Variants in NEBL observed in about 807,000 individuals in gnomAD.
NEBL encodes LIM and SH3 protein 2.
In NEBL, 122 loss-of-function variants were observed where a neutral mutation model predicts 140.2. That is an observed-to-expected ratio of 0.87 (90% CI 0.75 to 1.01). NEBL has a LOEUF of 1.01. Ranked by LOEUF, NEBL falls within the 50% of genes least tolerant of loss-of-function variation. NEBL has a pLI of 0.00. For synonymous variants in NEBL, 436 were observed against 398.9 expected, an observed-to-expected ratio of 1.09 and a Z score of -1.11; for missense variants, 1,365 against 1,231.3, an observed-to-expected ratio of 1.11 and a Z score of -1.62.
chr10:20,829,321 T>C (rs1178088584), intron 16 of NEBL, among the ~76,000 whole-genome samples: 1 of 150,998 alleles, frequency 6.6e-6, no homozygotes, highest in Non-Finnish European at 1.5e-5. Flanking sequence ...TCATTCTCAG[T>C]AAACTATTGC....
At chr10:21,084,349 A>G (rs1440715134) in intron 2 of NEBL, among the ~76,000 whole-genome samples, 1 of 152,238 alleles carries the variant, frequency 6.6e-6, no homozygotes, top group African/African-American at 2.4e-5. Flanking sequence ...TTTATGGGCA[A>G]GAGTCTATAG....
intron 1 of NEBL, among the ~76,000 whole-genome samples, chr10:21,290,847 C>T (rs544905762): frequency 6.6e-6 from 1 of 152,316 alleles, no homozygotes; most frequent in South Asian, 2.1e-4. Flanking sequence ...TAGGCCTCAA[C>T]CATCTGATCC....
intron 2 of NEBL, among the ~76,000 whole-genome samples, chr10:21,171,347 AAAG>A (rs1234779883): frequency 2.1e-5 from 2 of 93,232 alleles, no homozygotes; most frequent in Admixed American, 9.4e-5. Flanking sequence ...AAAAAAAAAA[AAAG>A]AAAAAAAAAA....
At position 21,145,329 on chromosome 10, in the gene NEBL, C is replaced by T. The variant is rs149292132; in HGVS notation, c.164+27054G>A. ...ATATGCCAAAGTTATTTGTATAAAGCTGTTCAATGCAGCACTATTTATTTA... is the reference window on the plus strand; with the variant it reads ...ATATGCCAAAGTTATTTGTATAAAGTTGTTCAATGCAGCACTATTTATTTA... On this transcript the variant is annotated intron_variant, in intron 2 of 6. Transcript: ENST00000417816. Among the ~76,000 whole-genome samples, 987 of 152,290 alleles carry T rather than the reference C, an allele frequency of 6.5e-3. 7 individuals carry two copies. Among genetic ancestry groups the T allele is most frequent in the South Asian group, 0.036 (174 of 4,828 alleles).
intron 3 of NEBL, among the ~76,000 whole-genome samples, chr10:20,996,490 C>T (rs1475277439): frequency 6.6e-6 from 1 of 152,148 alleles, no homozygotes; most frequent in East Asian, 1.9e-4. Context: ...TGCCTTATCA[C>T]CAACCTCACA....
At chr10:21,036,666 T>C (rs1589160227) in intron 2 of NEBL, among the ~76,000 whole-genome samples, 1 of 151,938 alleles carries the variant, frequency 6.6e-6, no homozygotes, top group Non-Finnish European at 1.5e-5. Flanking sequence ...GCTACTCAGG[T>C]CCTTTGCACC....
intron 17 of NEBL, 123 bp from the exon 18 acceptor site, chr10:20,826,662 G>A (rs1234769320): frequency 2.6e-6 from 2 of 767,468 alleles, no homozygotes; most frequent in Non-Finnish European, 4.4e-6. Flanking sequence ...ATTTATGAGT[G>A]CCGGAATTAT....
intron 1 of NEBL, among the ~76,000 whole-genome samples, chr10:21,270,060 T>C (rs1842843826): frequency 6.6e-6 from 1 of 152,216 alleles, no homozygotes; most frequent in Non-Finnish European, 1.5e-5. Context: ...AAAATATCTT[T>C]CTAGACATCA....
At chr10:20,923,087 G>C (rs1464628977) in intron 4 of NEBL, among the ~76,000 whole-genome samples, 1 of 151,522 alleles carries the variant, frequency 6.6e-6, no homozygotes, top group Non-Finnish European at 1.5e-5. Flanking sequence ...TTTCTTTTAT[G>C]AGACAGGGTC....
At chr10:21,260,759 G>T (rs1842728038) in intron 1 of NEBL, among the ~76,000 whole-genome samples, 1 of 152,104 alleles carries the variant, frequency 6.6e-6, no homozygotes, top group African/African-American at 2.4e-5. Flanking sequence ...AAAAAATGTT[G>T]CCCCTCATTA....
intron 2 of NEBL, among the ~76,000 whole-genome samples, chr10:21,037,878 G>A (rs1215533242): frequency 1.3e-5 from 2 of 152,196 alleles, no homozygotes; most frequent in Admixed American, 1.3e-4. Context: ...CATTTAATAC[G>A]AGGTTCAGAA....
chr10:21,225,721 AG>A (rs1389552534), intron 3 of NEBL, among the ~76,000 whole-genome samples: 2 of 152,158 alleles, frequency 1.3e-5, no homozygotes, highest in Non-Finnish European at 2.9e-5. Flanking sequence ...TCAAGGCCCA[AG>A]CGCTCTTCAG....
At chr10:20,802,735 CA>C (rs1837232888) in intron 26 of NEBL, among the ~76,000 whole-genome samples, 1 of 152,136 alleles carries the variant, frequency 6.6e-6, no homozygotes, top group East Asian at 1.9e-4. Context: ...TTTGTCCTAA[CA>C]ATCAGAACTT....
intron 2 of NEBL, among the ~76,000 whole-genome samples, chr10:21,155,225 A>C (rs1456956285): frequency 6.6e-6 from 1 of 152,206 alleles, no homozygotes; most frequent in African/African-American, 2.4e-5. Context: ...TTTAGTAATC[A>C]CATCATGGAA....
chr10:21,185,487 C>CT lies in NEBL; in HGVS notation n.349-13011dup, dbSNP rs10612676. Reference sequence around the variant, plus strand: ...TTCTCTTTCGGTTCCATTTTCTTTCCTTTTTTTTTTTTTTTTTTTTTTTTT... The same window carrying CT: ...TTCTCTTTCGGTTCCATTTTCTTTCCTTTTTTTTTTTTTTTTTTTTTTTTTT... On this transcript the variant is annotated intron_variant and non_coding_transcript_variant, in intron 3 of 8. Transcript: ENST00000675702. 6.8e-3 allele frequency among the ~76,000 whole-genome samples: 490 copies of CT among 72,092 alleles called. 28 individuals carry two copies. Among genetic ancestry groups the CT allele is most frequent in the Middle Eastern group, 0.017 (2 of 116 alleles). The allele number at this position is 72,092 out of a possible 152,430, so 47.3% of individuals were successfully genotyped here.
intron 4 of NEBL, among the ~76,000 whole-genome samples, chr10:20,951,018 C>T (rs148541027): frequency 1.2e-3 from 180 of 152,086 alleles, no homozygotes; most frequent in African/African-American, 4.3e-3. Flanking sequence ...ACCTGTAATC[C>T]CAGCACTTTA....
chr10:20,845,989 C>T (rs1005302391), intron 11 of NEBL, among the ~76,000 whole-genome samples: 5 of 152,090 alleles, frequency 3.3e-5, no homozygotes, highest in Non-Finnish European at 5.9e-5. Flanking sequence ...TATAACTGAA[C>T]TCCTCCTTTA....
intron 3 of NEBL, among the ~76,000 whole-genome samples, chr10:20,968,722 G>A (rs1047877728): frequency 1.8e-4 from 28 of 152,046 alleles, no homozygotes; most frequent in African/African-American, 2.2e-4. Flanking sequence ...TTACTGATTC[G>A]CATTATTCTG....
chr10:21,263,166 G>T (rs144820256), intron 1 of NEBL, among the ~76,000 whole-genome samples: 4 of 152,284 alleles, frequency 2.6e-5, no homozygotes, highest in Non-Finnish European at 5.9e-5. Flanking sequence ...TACTCTTAGC[G>T]TAGGTATTTA....
Sources: gnomAD v4.1 joint callset for allele counts (sites outside exome capture counted in the v4.1 genomes callset) on GRCh38, gnomAD v4.1.1 for gene constraint, MANE v1.5 for transcripts, NCBI Gene and HGNC (gene_info 2026-07-23, HGNC 2026-07-21) for gene names.